Variants in YY1AP1 observed in about 807,000 individuals in gnomAD.
YY1AP1 encodes YY1-associated protein 1.
YY1AP1 carries 43 observed loss-of-function variants against 39.9 expected under a neutral mutation model. The observed-to-expected ratio is 1.08, with a 90% confidence interval of 0.84 to 1.39. The LOEUF (loss-of-function observed/expected upper bound fraction) is 1.39. Among genes scored for constraint, YY1AP1 ranks in the 40% most tolerant of loss-of-function variants. YY1AP1 has a pLI of 0.00. For missense variants in YY1AP1, 813 were observed against 900.7 expected (o/e 0.90, Z 1.25); for synonymous variants, 292 against 331.3 (o/e 0.88, Z 1.29).
In YY1AP1 at chr1:155,676,703, T is replaced by C. The variant is rs757227123; in HGVS notation, c.169A>G (p.Ile57Val). The C allele has an allele frequency of 6.2e-6, 10 of 1,614,186 alleles. No individual in the cohort carries two copies. In the South Asian group the frequency reaches 1.1e-4, roughly 18 times the overall value. The change falls in exon 5 of 11, where the codon ATA becomes GTA. Residue 57 changes from isoleucine to valine, a missense_variant. By Grantham distance (29) the Ile-to-Val change is conservative. This residue lies in a region of YY1AP1 where 196 missense variants were observed against 189.7 expected (regional missense o/e 1.03). Coordinates refer to ENST00000355499, the MANE Select transcript of YY1AP1 (RefSeq NM_139119.3). ...LANLLNEQHQ[I>V]AKELFEQLKM... ...AGCTGTTCAAATAGTTCCTTCGCTA[T>C]CTGATGTTGTTCATTTAGTAGGTTG...
In YY1AP1 at chr1:155,688,717, C is replaced by A. The variant is rs1653134526; in HGVS notation, c.-210G>T. The A allele has an allele frequency of 1.3e-6, 2 of 1,520,634 alleles. No individual in the cohort carries two copies. Among genetic ancestry groups the A allele is most frequent in the African/African-American group, 1.4e-5 (1 of 72,354 alleles). 94.2% of individuals were successfully genotyped at this position (1,520,634 alleles called of 1,614,324 possible). Reference sequence around the variant, plus strand: ...CCTCTTCTCTCCTCCCCCTCCCTCCCCGCCCGCACGGCCACCAACCGCCGC... The same window carrying A: ...CCTCTTCTCTCCTCCCCCTCCCTCCACGCCCGCACGGCCACCAACCGCCGC... On this transcript the variant is annotated 5_prime_UTR_variant, in exon 1 of 11. Coordinates refer to ENST00000355499, the MANE Select transcript of YY1AP1 (RefSeq NM_139119.3).
chr1:155,662,637 C>G (rs931675397), intron 9 of YY1AP1, among the ~76,000 whole-genome samples: 64 of 152,314 alleles, frequency 4.2e-4, no homozygotes, highest in Admixed American at 1.7e-3. Flanking sequence ...ATAAGGGAAG[C>G]AATTCCTGCT....
chr1:155,687,970 A>C, intron 2 of YY1AP1, 101 bp downstream of exon 2: 1 of 1,313,602 alleles, frequency 7.6e-7, no homozygotes, highest in Non-Finnish European at 1.0e-6. Flanking sequence ...GCTCTCCCAG[A>C]GGTCCAGGTC....
At chr1:155,676,454 G>T in intron 5 of YY1AP1, 94 bp downstream of exon 5, 2 of 1,460,094 alleles carry the variant, frequency 1.4e-6, no homozygotes, top group South Asian at 1.2e-5. Flanking sequence ...AACTATCTCT[G>T]ACATTTACAA....
intron 2 of YY1AP1, among the ~76,000 whole-genome samples, chr1:155,684,104 A>G (rs1651886038): frequency 6.6e-6 from 1 of 152,128 alleles, no homozygotes. Flanking sequence ...AAAAATCAGC[A>G]GGGCGTGTTG....
intron 9 of YY1AP1, among the ~76,000 whole-genome samples, chr1:155,663,789 C>T (rs1417852657): frequency 5.3e-5 from 8 of 151,964 alleles, no homozygotes; most frequent in African/African-American, 1.9e-4. Flanking sequence ...TAGACAAATA[C>T]TAAGGCATAT....
intron 2 of YY1AP1, among the ~76,000 whole-genome samples, chr1:155,684,323 T>C (rs1038795715): frequency 3.3e-5 from 5 of 152,132 alleles, no homozygotes; most frequent in African/African-American, 1.2e-4. Flanking sequence ...TGTATACACA[T>C]ACATGCACAT....
At position 155,660,189 on chromosome 1, in the gene YY1AP1, A is replaced by C; in HGVS notation, c.1721T>G (p.Ile574Ser). The change falls in exon 11 of 11, where the codon ATC (isoleucine) becomes AGC (serine). Residue 574 changes from isoleucine to serine, a missense_variant. Transcript: ENST00000355499. ...GGCCACAGCCGCATTGACAGGCTGG[A>C]TCATGTTACAGCCACCGCCAAGGCT... ...IVSLGGGCNM[I>S]QPVNAAVAQS... The C allele has an allele frequency of 6.2e-7, 1 of 1,614,214 alleles. No homozygotes were observed. The highest frequency in any genetic ancestry group is 8.5e-7 in the Non-Finnish European group (1 of 1,180,038).
rs777238342 is a variant in YY1AP1 at position 155,660,340 on chromosome 1, G to A, written c.1570C>T (p.Pro524Ser). 2 of 1,614,150 alleles carry A rather than the reference G, an allele frequency of 1.2e-6. No individual in the cohort carries two copies. Among genetic ancestry groups the A allele is most frequent in the East Asian group, 2.2e-5 (1 of 44,890 alleles). ...TTTGAGGGTCTCCGTCTCACATATG[G>A]CTTTCGAAACATGGAAGAGGCAGGG... ...PSPASSMFRK[P>S]YVRRRPSKRR... The change falls in exon 11 of 11, where the codon CCA (proline) becomes TCA (serine). Residue 524 changes from proline to serine, a missense_variant. By Grantham distance (74) the Pro-to-Ser change is moderately conservative (BLOSUM62 -1). Transcript: ENST00000355499.
chr1:155,679,351 C>G (rs771660700), intron 4 of YY1AP1, 58 bp downstream of exon 4: 5 of 1,612,182 alleles, frequency 3.1e-6, no homozygotes, highest in Non-Finnish European at 4.2e-6. Context: ...CTTCTGAAAA[C>G]CTTTTCAGAA....
intron 9 of YY1AP1, among the ~76,000 whole-genome samples, chr1:155,664,800 C>T (rs1648704721): frequency 1.4e-5 from 2 of 147,420 alleles, no homozygotes; most frequent in Non-Finnish European, 3.0e-5. Flanking sequence ...TACGGAGTCT[C>T]GCTCTGTCAC....
chr1:155,662,532 A>C (rs1229408413), intron 9 of YY1AP1, among the ~76,000 whole-genome samples: 1 of 123,754 alleles, frequency 8.1e-6, no homozygotes, highest in African/African-American at 4.0e-5. Context: ...TAAGAACTGA[A>C]CTTAAACCAT....
intron 6 of YY1AP1, among the ~76,000 whole-genome samples, chr1:155,674,077 C>T (rs796859726): frequency 2.3e-4 from 33 of 144,226 alleles, no homozygotes; most frequent in African/African-American, 3.9e-4. Context: ...AAGAGAATGG[C>T]GTGAACCCGG....
At chr1:155,679,892 A>C (rs1651269124) in intron 3 of YY1AP1, 1 of 766,582 alleles carries the variant, frequency 1.3e-6, no homozygotes, top group South Asian at 2.6e-5. Flanking sequence ...GGAAGCCATC[A>C]AAAGTTTTCA....
intron 6 of YY1AP1, 74 bp downstream of exon 6, chr1:155,674,936 A>G (rs1650418896): frequency 1.3e-5 from 18 of 1,355,246 alleles, no homozygotes; most frequent in African/African-American, 4.3e-5. Context: ...ACCTGAGAGA[A>G]TAACTGTGAG....
intron 7 of YY1AP1, 37 bp from the exon 8 acceptor site, chr1:155,670,501 G>C: frequency 6.2e-7 from 1 of 1,608,214 alleles, no homozygotes; most frequent in Non-Finnish European, 8.5e-7. Context: ...TCAACTTCTA[G>C]GAAAAAAGAG....
chr1:155,683,182 C>T (rs1442951558), intron 2 of YY1AP1, among the ~76,000 whole-genome samples: 1 of 152,094 alleles, frequency 6.6e-6, no homozygotes, highest in African/African-American at 2.4e-5. Context: ...ACTAAAAGAT[C>T]CTATATTGGA....
At position 155,676,760 on chromosome 1, in the gene YY1AP1, G is replaced by T. The variant is rs1161769121; in HGVS notation, c.126-14C>A. 2.6e-5 allele frequency: 42 copies of T among 1,613,254 alleles called. No homozygotes were observed. Among genetic ancestry groups the T allele is most frequent in the Non-Finnish European group, 3.3e-5 (39 of 1,179,698 alleles). ...AGTTCCTCAAACCTATCCCAAACGG[G>T]GATGACTGAATTTGAGTGTTTTCCT... On this transcript the variant is annotated splice_polypyrimidine_tract_variant and intron_variant, in intron 4 of 10. Transcript: ENST00000355499.
chr1:155,660,005 G>A lies in YY1AP1; in HGVS notation c.1905C>T (p.Ala635=). The A allele has an allele frequency of 1.2e-6, 2 of 1,614,134 alleles. No homozygotes were observed. The highest frequency in any genetic ancestry group is 1.7e-6 in the Non-Finnish European group (2 of 1,180,054). Residue 635 remains alanine, a synonymous_variant, in exon 11 of 11, where the codon GCC becomes GCT. Coordinates refer to ENST00000355499, the MANE Select transcript of YY1AP1 (RefSeq NM_139119.3). ...CACAAGCAATGTCCACATTCATGTG[G>A]GCCTTATCTTCAGGGGTGGATGGTA... ...LPIPSTPEDK[A]HMNVDIACAV...
Sources: gnomAD v4.1 joint callset for allele counts (sites outside exome capture counted in the v4.1 genomes callset) on GRCh38, gnomAD v4.1.1 for gene constraint, gnomAD v4.1.1 regional missense constraint, MANE v1.5 for transcripts, NCBI Gene and HGNC (gene_info 2026-07-23, HGNC 2026-07-21) for gene names.